Variants in GRIK4 observed in about 807,000 individuals in gnomAD.
GRIK4 encodes the protein glutamate receptor ionotropic, kainate 4.
GRIK4 carries 40 observed loss-of-function variants against 104.9 expected under a neutral mutation model. The ratio of observed to expected loss-of-function variants is 0.38; its 90% CI spans 0.30 to 0.50. The LOEUF (loss-of-function observed/expected upper bound fraction) is 0.50. Ranked by LOEUF, GRIK4 falls within the 20% of genes least tolerant of loss-of-function variation. The pLI is 0.93. For missense variants in GRIK4, 1,047 were observed against 1,308.1 expected (o/e 0.80, Z 3.08); for synonymous variants, 485 against 524.9 (o/e 0.92, Z 1.04).
intron 1 of GRIK4, among the ~76,000 whole-genome samples, chr11:120,602,656 G>A: frequency 6.6e-6 from 1 of 152,306 alleles, no homozygotes; most frequent in East Asian, 1.9e-4. Context: ...CTGGGTATGA[G>A]GGTATCTGTC....
chr11:120,666,524 A>G lies in GRIK4; in HGVS notation c.82+6124A>G, dbSNP rs114732105. On this transcript the variant is annotated intron_variant, in intron 3 of 20. Transcript: ENST00000527524. ...GAGCGTTAGTAAGTGTTGCTTCTCT[A>G]TTTTGTTTTCTTAAGCATATTGTGA... 3.3e-3 allele frequency among the ~76,000 whole-genome samples: 496 copies of G among 152,318 alleles called. 2 individuals are homozygous for G. The highest frequency in any genetic ancestry group is 0.01 in the African/African-American group (421 of 41,566).
intron 3 of GRIK4, among the ~76,000 whole-genome samples, chr11:120,717,056 C>T (rs535990778): frequency 2.6e-5 from 4 of 152,194 alleles, no homozygotes; most frequent in Admixed American, 6.5e-5. Context: ...GATGCTGCGG[C>T]GGTGGCTCCT....
chr11:120,794,875 G>A (rs1431328164), intron 3 of GRIK4, among the ~76,000 whole-genome samples: 5 of 152,114 alleles, frequency 3.3e-5, no homozygotes, highest in South Asian at 2.1e-4. Flanking sequence ...AGTTGGCGGC[G>A]GGAGCGGCCT....
chr11:120,645,683 G>A (rs1451183357), intron 1 of GRIK4, among the ~76,000 whole-genome samples: 1 of 152,194 alleles, frequency 6.6e-6, no homozygotes, highest in Admixed American at 6.5e-5. Flanking sequence ...TTGAGGGACT[G>A]GGCTGGGCAG....
intron 1 of GRIK4, among the ~76,000 whole-genome samples, chr11:120,588,414 A>G (rs1262107546): frequency 6.6e-6 from 1 of 152,148 alleles, no homozygotes; most frequent in East Asian, 1.9e-4. Flanking sequence ...GGAACAATGC[A>G]GTGGGCCCTC....
intron 13 of GRIK4, among the ~76,000 whole-genome samples, chr11:120,924,557 C>A (rs1442508523): frequency 8.0e-6 from 1 of 124,742 alleles, no homozygotes; most frequent in African/African-American, 3.8e-5. Context: ...TTAGCGGCAT[C>A]CTGAAGACCC....
At chr11:120,760,125 T>G (rs1403293832) in intron 3 of GRIK4, among the ~76,000 whole-genome samples, 1 of 151,958 alleles carries the variant, frequency 6.6e-6, no homozygotes, top group Admixed American at 6.6e-5. Flanking sequence ...CTTAGACTTA[T>G]GTCTCCCTAT....
At chr11:120,644,761 C>T (rs980619414) in intron 1 of GRIK4, among the ~76,000 whole-genome samples, 2 of 152,112 alleles carry the variant, frequency 1.3e-5, no homozygotes, top group African/African-American at 2.4e-5. Context: ...ACAATGAGGA[C>T]GATCAAAGAC....
chr11:120,630,033 G>A (rs991873010), intron 1 of GRIK4, among the ~76,000 whole-genome samples: 6 of 152,192 alleles, frequency 3.9e-5, no homozygotes, highest in African/African-American at 1.4e-4. Context: ...GGGGCACTGT[G>A]GACACCACTC....
chr11:120,637,214 C>CA (rs1280309177), intron 1 of GRIK4, among the ~76,000 whole-genome samples: 1 of 152,068 alleles, frequency 6.6e-6, no homozygotes, highest in Non-Finnish European at 1.5e-5. Context: ...GTCAGACAGG[C>CA]AGGGAGCGGG....
At chr11:120,931,829 G>C (rs948477370) in intron 13 of GRIK4, among the ~76,000 whole-genome samples, 30 of 152,266 alleles carry the variant, frequency 2.0e-4, no homozygotes, top group Admixed American at 1.0e-3. Flanking sequence ...TCTGATTGCT[G>C]TCTGGTTCAT....
At chr11:120,818,664 A>G (rs1953024338) in intron 5 of GRIK4, among the ~76,000 whole-genome samples, 1 of 152,222 alleles carries the variant, frequency 6.6e-6, no homozygotes. Context: ...AGGATAAAGT[A>G]GGAGACTCCT....
chr11:120,543,162 C>G (rs1948053765), intron 1 of GRIK4, among the ~76,000 whole-genome samples: 1 of 152,170 alleles, frequency 6.6e-6, no homozygotes, highest in Non-Finnish European at 1.5e-5. Context: ...CTATTGAGTA[C>G]TAGGCTTAGT....
intron 1 of GRIK4, among the ~76,000 whole-genome samples, chr11:120,612,366 C>T (rs184413308): frequency 2.0e-5 from 3 of 152,210 alleles, no homozygotes; most frequent in Admixed American, 2.0e-4. Context: ...TCTCATTATC[C>T]ATTCTACATT....
intron 3 of GRIK4, among the ~76,000 whole-genome samples, chr11:120,682,591 C>CT (rs34209497): frequency 0.022 from 3,165 of 145,028 alleles, 103 homozygotes; most frequent in African/African-American, 0.074. Flanking sequence ...TTGCCCCCAT[C>CT]TTTTTTTTTT....
chr11:120,875,786 A>C (rs1954770937), intron 11 of GRIK4, among the ~76,000 whole-genome samples: 1 of 150,670 alleles, frequency 6.6e-6, no homozygotes, highest in Admixed American at 6.6e-5. Flanking sequence ...TCAGCTCCCC[A>C]CTCCTTTGCT....
intron 3 of GRIK4, among the ~76,000 whole-genome samples, chr11:120,662,326 T>C (rs1012071816): frequency 6.6e-6 from 1 of 152,296 alleles, no homozygotes; most frequent in African/African-American, 2.4e-5. Context: ...CCCTGCTGGC[T>C]GGCAAGGTCA....
intron 13 of GRIK4, among the ~76,000 whole-genome samples, chr11:120,931,596 C>T (rs964743416): frequency 6.6e-6 from 1 of 152,164 alleles, no homozygotes; most frequent in South Asian, 2.1e-4. Context: ...TGCTGTGCAA[C>T]CTTGGGCAAG....
chr11:120,871,506 C>G, intron 9 of GRIK4: 2 of 423,944 alleles, frequency 4.7e-6, no homozygotes, highest in South Asian at 3.4e-5. Flanking sequence ...CCACCTCATC[C>G]TAGCTCAGCA....
Sources: allele counts gnomAD v4.1 joint callset (sites outside exome capture counted in the v4.1 genomes callset), GRCh38; gene constraint gnomAD v4.1.1; transcripts MANE v1.5; gene names NCBI Gene and HGNC (gene_info 2026-07-23, HGNC 2026-07-21).